SNTG2: variants seen among roughly 807,000 people sequenced by gnomAD.
SNTG2 encodes syntrophin gamma 2.
A neutral mutation model predicts 70.9 loss-of-function variants in SNTG2; 74 were observed. The ratio of observed to expected loss-of-function variants is 1.04; its 90% CI spans 0.86 to 1.27. SNTG2 has a LOEUF of 1.27. SNTG2 is among the 50% of genes most tolerant of loss of function. SNTG2 has a pLI of 0.00. For missense variants in SNTG2, 717 were observed against 690.7 expected (o/e 1.04, Z -0.43); for synonymous variants, 278 against 273.8 (o/e 1.02, Z -0.15).
chr2:1,261,951 G>A (rs62108067), intron 13 of SNTG2, among the ~76,000 whole-genome samples: 14,127 of 152,142 alleles, frequency 0.093, 718 homozygotes, highest in South Asian at 0.15. Context: ...AAGCAGTGGT[G>A]TTCCGGGAGC....
At chr2:974,802 G>T (rs987263545) in intron 1 of SNTG2, among the ~76,000 whole-genome samples, 2 of 151,944 alleles carry the variant, frequency 1.3e-5, no homozygotes, top group Non-Finnish European at 2.9e-5. Flanking sequence ...CCATAGTTCT[G>T]GTGGGTTCAA....
At chr2:1,113,790 G>A (rs112381857) in intron 4 of SNTG2, among the ~76,000 whole-genome samples, 48 of 151,386 alleles carry the variant, frequency 3.2e-4, no homozygotes, top group African/African-American at 1.1e-3. Flanking sequence ...GTCCTGTGAG[G>A]AGAATCGTGT....
At chr2:1,273,257 G>T (rs1332676608) in intron 14 of SNTG2, among the ~76,000 whole-genome samples, 2 of 152,154 alleles carry the variant, frequency 1.3e-5, no homozygotes, top group African/African-American at 2.4e-5. Context: ...TCTGGTCTGA[G>T]CTGCTCTCAC....
intron 1 of SNTG2, among the ~76,000 whole-genome samples, chr2:1,066,831 C>T (rs1663187136): frequency 6.6e-6 from 1 of 152,158 alleles, no homozygotes; most frequent in Non-Finnish European, 1.5e-5. Context: ...AGTTCTTCAG[C>T]AGCTTCTCGT....
intron 1 of SNTG2, among the ~76,000 whole-genome samples, chr2:996,884 A>T (rs1204100120): frequency 6.6e-6 from 1 of 151,882 alleles, no homozygotes; most frequent in Non-Finnish European, 1.5e-5. Flanking sequence ...AATATTAATA[A>T]TGTAAAACAT....
intron 14 of SNTG2, among the ~76,000 whole-genome samples, chr2:1,293,615 T>C (rs1240912567): frequency 6.6e-6 from 1 of 152,216 alleles, no homozygotes; most frequent in African/African-American, 2.4e-5. Context: ...ATTGGTTGTG[T>C]AAGAATGGGT....
chr2:1,294,064 A>G (rs1680099349), intron 14 of SNTG2, among the ~76,000 whole-genome samples: 1 of 151,798 alleles, frequency 6.6e-6, no homozygotes, highest in Admixed American at 6.6e-5. Flanking sequence ...CTCTTCCCCA[A>G]CTCTCTTTTG....
intron 1 of SNTG2, among the ~76,000 whole-genome samples, chr2:1,055,103 G>A (rs1362712500): frequency 6.6e-6 from 1 of 152,188 alleles, no homozygotes. Flanking sequence ...GTACTGCTGT[G>A]TGTTGCTATA....
chr2:1,114,830 G>T lies in SNTG2; in HGVS notation c.325+16420G>T, dbSNP rs974108086. Reference sequence around the variant, plus strand: ...CTTATAGTCCTTTGAGGAGGATTGTGTGTACTAAGTAAGGTTTAACCCTTA... The same window carrying T: ...CTTATAGTCCTTTGAGGAGGATTGTTTGTACTAAGTAAGGTTTAACCCTTA... On this transcript the variant is annotated intron_variant, in intron 4 of 16. Transcript: ENST00000308624. 2.6e-5 allele frequency among the ~76,000 whole-genome samples: 4 copies of T among 152,014 alleles called. 1 individual carries two copies. Among genetic ancestry groups the T allele is most frequent in the African/African-American group, 9.7e-5 (4 of 41,376 alleles).
chr2:1,300,677 A>ACTT (rs566198160), intron 14 of SNTG2, among the ~76,000 whole-genome samples: 236 of 152,208 alleles, frequency 1.6e-3, no homozygotes, highest in African/African-American at 5.2e-3. Context: ...CGCTTCTTTA[A>ACTT]CTTCATTAAT....
intron 8 of SNTG2, among the ~76,000 whole-genome samples, chr2:1,204,350 G>A (rs546519061): frequency 6.6e-6 from 1 of 152,306 alleles, no homozygotes; most frequent in South Asian, 2.1e-4. Flanking sequence ...AAGCTTTTCA[G>A]TGATTCACTG....
rs566040255 is a variant in SNTG2, at chr2:1,044,138, C to T, written c.73-39380C>T. Among the ~76,000 whole-genome samples, 4 of 152,032 alleles carry T rather than the reference C, an allele frequency of 2.6e-5. No individual in the cohort carries two copies. In the South Asian group the frequency reaches 6.2e-4, roughly 24 times the overall value. ...GGAGCTTTCACCACCGCTGCCCCCC[C>T]ACCCCGGTTAGCTGTATTCCTAGGT... On this transcript the variant is annotated intron_variant, in intron 1 of 16. Transcript: ENST00000308624.
chr2:1,114,500 A>G (rs1361270225), intron 4 of SNTG2, among the ~76,000 whole-genome samples: 2 of 151,900 alleles, frequency 1.3e-5, no homozygotes, highest in East Asian at 2.0e-4. Context: ...TTTGAGGAGA[A>G]TCATGTGTAC....
intron 2 of SNTG2, among the ~76,000 whole-genome samples, chr2:1,085,590 A>G (rs182819003): frequency 8.8e-4 from 134 of 152,392 alleles, no homozygotes; most frequent in Middle Eastern, 3.4e-3. Flanking sequence ...AGATGACCAT[A>G]AAACAAAAAA....
chr2:1,324,252 G>A (rs997475220), intron 16 of SNTG2, among the ~76,000 whole-genome samples: 8 of 152,224 alleles, frequency 5.3e-5, no homozygotes, highest in Admixed American at 5.2e-4. Context: ...CAGTGTTGCA[G>A]AGTGGCAGAA....
rs971945851 is a variant in SNTG2 at position 1,305,781 on chromosome 2, C to T, written c.1285-2713C>T. Among the ~76,000 whole-genome samples the T allele has an allele frequency of 2.0e-5, 3 of 152,228 alleles. No individual in the cohort carries two copies. In the South Asian group the frequency reaches 6.2e-4, roughly 32 times the overall value. On this transcript the variant is annotated intron_variant, in intron 14 of 16. Coordinates refer to ENST00000308624, the MANE Select transcript of SNTG2 (RefSeq NM_018968.4). ...AGATGAAAGCTTTCTCTTTTTCCTT[C>T]ATCCTAAGCCCCTTTGGAGATTATG...
intron 9 of SNTG2, among the ~76,000 whole-genome samples, chr2:1,229,697 G>A (rs996521168): frequency 1.3e-5 from 2 of 152,228 alleles, no homozygotes; most frequent in African/African-American, 4.8e-5. Context: ...CAATGGAGGG[G>A]GTGGGAGGCT....
intron 1 of SNTG2, among the ~76,000 whole-genome samples, chr2:1,034,741 C>T (rs1661039279): frequency 6.6e-6 from 1 of 152,080 alleles, no homozygotes; most frequent in Admixed American, 6.5e-5. Flanking sequence ...TAGATACCTA[C>T]AAAGAGAGTT....
intron 6 of SNTG2, among the ~76,000 whole-genome samples, chr2:1,161,888 C>A (rs576332777): frequency 8.2e-4 from 124 of 152,104 alleles, no homozygotes; most frequent in Middle Eastern, 3.4e-3. Flanking sequence ...TCCTGGCTAA[C>A]ACGGTGAAAC....
Sources: allele counts gnomAD v4.1 joint callset (sites outside exome capture counted in the v4.1 genomes callset), GRCh38; gene constraint gnomAD v4.1.1; transcripts MANE v1.5; gene names NCBI Gene and HGNC (gene_info 2026-07-23, HGNC 2026-07-21).